Variants in METAP2 observed in about 807,000 individuals in gnomAD.
METAP2 encodes methionine aminopeptidase 2.
Under a neutral mutation model 59.4 loss-of-function variants are expected in METAP2, and 25 were observed. The observed-to-expected ratio is 0.42, with a 90% CI of 0.31 to 0.59. The LOEUF is 0.59. METAP2 is among the 20% of genes least tolerant of loss of function. METAP2 has a pLI of 0.16. For missense variants in METAP2, 366 were observed against 581.2 expected, an observed-to-expected ratio of 0.63 and a Z score of 3.81; for synonymous variants, 214 against 194.1, an observed-to-expected ratio of 1.10 and a Z score of -0.85.
In METAP2 at chr12:95,514,973, C is replaced by T. The variant is rs1057739; in HGVS notation, c.*1069C>T. ...GCTAAGTGTATTAAGTTGAATGTAA[C>T]GATGGTAATATTAATTTGTTTGAAC... On this transcript the variant is annotated 3_prime_UTR_variant, in exon 11 of 11. Coordinates refer to ENST00000323666, the MANE Select transcript of METAP2 (RefSeq NM_006838.4). 13,254 of 152,492 alleles carry T rather than the reference C, an allele frequency of 0.087. 809 individuals carry two copies. The highest frequency in any genetic ancestry group is 0.17 in the African/African-American group (6,916 of 41,462). 9.4% of individuals were successfully genotyped at this position (152,492 alleles called of 1,614,324 possible). A position where few individuals can be genotyped will look rare whatever the true frequency, so the allele number is the denominator to read the frequency against.
chr12:95,475,055 A>G (rs148838973), intron 1 of METAP2, among the ~76,000 whole-genome samples: 1 of 152,298 alleles, frequency 6.6e-6, no homozygotes, highest in East Asian at 1.9e-4. Context: ...CTCTAAATCC[A>G]CTGGTAAGGC....
intron 8 of METAP2, among the ~76,000 whole-genome samples, chr12:95,508,241 T>C (rs1480958299): frequency 6.6e-6 from 1 of 152,202 alleles, no homozygotes; most frequent in African/African-American, 2.4e-5. Flanking sequence ...CAAAAGATTT[T>C]TAAAGGCTAG....
intron 8 of METAP2, among the ~76,000 whole-genome samples, chr12:95,507,912 G>A (rs1447690962): frequency 6.6e-6 from 1 of 150,670 alleles, no homozygotes; most frequent in Non-Finnish European, 1.5e-5. Flanking sequence ...CCGAGTAGCT[G>A]GGATTACATG....
intron 8 of METAP2, among the ~76,000 whole-genome samples, chr12:95,504,973 TC>T (rs897930590): frequency 1.3e-5 from 2 of 152,220 alleles, no homozygotes. Context: ...AGTCCAGTCC[TC>T]CTCTGGCTCC....
intron 7 of METAP2, among the ~76,000 whole-genome samples, chr12:95,498,300 T>C (rs1198542867): frequency 6.6e-6 from 1 of 152,146 alleles, no homozygotes; most frequent in Admixed American, 6.5e-5. Flanking sequence ...GAGTCGTTTG[T>C]TGTTGAGTTT....
At chr12:95,513,558 A>G in intron 10 of METAP2, 94 bp from the exon 11 acceptor site, 1 of 1,413,042 alleles carries the variant, frequency 7.1e-7, no homozygotes, top group Non-Finnish European at 9.6e-7. Flanking sequence ...GACTTCAACT[A>G]CTAGGACACA....
At chr12:95,494,849 G>A (rs373421179) in intron 5 of METAP2, 108 bp from the exon 6 acceptor site, 10 of 749,354 alleles carry the variant, frequency 1.3e-5, no homozygotes, top group Middle Eastern at 4.0e-4. Context: ...TTCCCAGAAG[G>A]TATTTAAGGT....
chr12:95,508,928 C>T (rs908706232), intron 8 of METAP2, among the ~76,000 whole-genome samples: 3 of 151,436 alleles, frequency 2.0e-5, no homozygotes, highest in Non-Finnish European at 4.4e-5. Context: ...ATAGTTTAAG[C>T]AGAGAGGATG....
At chr12:95,501,143 G>A (rs1307457675) in intron 7 of METAP2, among the ~76,000 whole-genome samples, 4 of 151,282 alleles carry the variant, frequency 2.6e-5, no homozygotes, top group South Asian at 4.2e-4. Context: ...CCAAGTAGCC[G>A]GGACCACAGG....
chr12:95,498,311 T>C (rs913493526), intron 7 of METAP2, among the ~76,000 whole-genome samples: 1 of 152,192 alleles, frequency 6.6e-6, no homozygotes, highest in Non-Finnish European at 1.5e-5. Flanking sequence ...TGTTGAGTTT[T>C]AGGAATTCTG....
At position 95,495,285 on chromosome 12, in the gene METAP2, A is replaced by T. The variant is rs140964016; in HGVS notation, c.772+147A>T. ...GAAAGGTGTGTTGAGGCAGATTTTT[A>T]AAAAAATTTTAGTGCACTTATAGGA... On this transcript the variant is annotated intron_variant, in intron 6 of 10. Transcript: ENST00000323666. The T allele has an allele frequency of 7.8e-4, 493 of 630,878 alleles. 1 individual carries two copies. Among genetic ancestry groups the T allele is most frequent in the African/African-American group, 6.4e-3 (349 of 54,778 alleles). The allele number at this position is 630,878 out of a possible 1,614,324, so 39.1% of individuals were successfully genotyped here.
rs755354231 is a variant in METAP2, at chr12:95,474,200, A to G, written c.21A>G (p.Val7=). 18 of 1,613,958 alleles carry G rather than the reference A, an allele frequency of 1.1e-5. No individual in the cohort carries two copies. Among genetic ancestry groups the G allele is most frequent in the Admixed American group, 1.7e-5 (1 of 60,000 alleles). ...GCAACATGGCGGGTGTGGAGGAGGT[A>G]GCGGCCTCCGGGAGCCACCTGAATG... is the stretch of plus-strand genomic sequence containing the variant. MAGVEE[V]AASGSHLNGD... The change falls in exon 1 of 11, where the codon GTA becomes GTG. Residue 7 remains valine (V), a synonymous_variant. Transcript: ENST00000323666.
Position 95,476,156 on chromosome 12 carries a change from A to G in METAP2, c.237A>G (p.Lys79=), listed in dbSNP as rs1258373852. The change falls in exon 2 of 11, where the codon AAA becomes AAG. Residue 79 remains lysine, a synonymous_variant. Transcript: ENST00000323666. ...TGGAAAGATCAGCATTGGAAGATAAAGAAAGAGATGAAGATGATGAAGGTA... is the reference window on the plus strand; with the variant it reads ...TGGAAAGATCAGCATTGGAAGATAAGGAAAGAGATGAAGATGATGAAGGTA... ...RQLERSALED[K]ERDEDDEDGD... The G allele has an allele frequency of 1.2e-6, 2 of 1,606,812 alleles. No individual in the cohort carries two copies. The highest frequency in any genetic ancestry group is 1.1e-5 in the South Asian group (1 of 89,948).
chr12:95,490,339 G>A (rs1357784231), intron 4 of METAP2, among the ~76,000 whole-genome samples: 1 of 140,506 alleles, frequency 7.1e-6, no homozygotes, highest in African/African-American at 2.7e-5. Flanking sequence ...ACTAGATAAT[G>A]TATATACAGT....
At chr12:95,508,688 TGTTTG>T (rs1163745683) in intron 8 of METAP2, among the ~76,000 whole-genome samples, 1 of 152,000 alleles carries the variant, frequency 6.6e-6, no homozygotes, top group Non-Finnish European at 1.5e-5. Context: ...TTCTACAACT[TGTTTG>T]GTATGTGGTC....
rs1379261125 is a variant in METAP2 at position 95,513,931 on chromosome 12, T to C, written c.*27T>C. Reference sequence around the variant, plus strand: ...CTTAGTCCAAAGCCACCTCAACACCTTTATTTTCTGAGCTTTGTTGGAAAA... The same window carrying C: ...CTTAGTCCAAAGCCACCTCAACACCCTTATTTTCTGAGCTTTGTTGGAAAA... On this transcript the variant is annotated 3_prime_UTR_variant, in exon 11 of 11. Transcript: ENST00000323666. 4.4e-6 allele frequency: 7 copies of C among 1,581,500 alleles called. No homozygotes were observed. In the East Asian group the frequency reaches 1.4e-4, roughly 31 times the overall value.
intron 9 of METAP2, among the ~76,000 whole-genome samples, chr12:95,512,339 A>T (rs943445155): frequency 5.9e-5 from 9 of 152,286 alleles, no homozygotes; most frequent in Middle Eastern, 3.4e-3. Flanking sequence ...AAGGAGATAA[A>T]GCAGGGCAAG....
At chr12:95,492,756 G>A (rs1449435012) in intron 4 of METAP2, among the ~76,000 whole-genome samples, 1 of 151,928 alleles carries the variant, frequency 6.6e-6, no homozygotes, top group East Asian at 1.9e-4. Flanking sequence ...GACAGAGTCA[G>A]AGACAGAGTC....
At chr12:95,508,453 C>CATGG (rs2140164868) in intron 8 of METAP2, among the ~76,000 whole-genome samples, 1 of 152,298 alleles carries the variant, frequency 6.6e-6, no homozygotes, top group Non-Finnish European at 1.5e-5. Flanking sequence ...GGGACTAGAA[C>CATGG]ATGGGCCTTC....
Sources: gnomAD v4.1 joint callset for allele counts (sites outside exome capture counted in the v4.1 genomes callset) on GRCh38, gnomAD v4.1.1 for gene constraint, MANE v1.5 for transcripts, NCBI Gene and HGNC (gene_info 2026-07-23, HGNC 2026-07-21) for gene names.